Variants in PRKCA observed in about 807,000 individuals in gnomAD.
PRKCA encodes the protein protein kinase C alpha type.
Under a neutral mutation model 87.0 loss-of-function variants are expected in PRKCA, and 27 were observed. The observed-to-expected ratio is 0.31, with a 90% CI of 0.23 to 0.43. The LOEUF is 0.43. PRKCA is among the 20% of genes least tolerant of loss of function. PRKCA has a pLI of 1.00. For missense variants in PRKCA, 518 were observed against 852.3 expected (o/e 0.61, Z 4.88); for synonymous variants, 329 against 311.1 (o/e 1.06, Z -0.61).
At chr17:66,358,172 G>T (rs1908175422) in intron 2 of PRKCA, among the ~76,000 whole-genome samples, 1 of 150,624 alleles carries the variant, frequency 6.6e-6, no homozygotes, top group Admixed American at 6.6e-5. Context: ...TTTTTTTTAA[G>T]CCCAAAAAGT....
chr17:66,672,421 G>A (rs1374928763), intron 5 of PRKCA, among the ~76,000 whole-genome samples: 2 of 152,190 alleles, frequency 1.3e-5, no homozygotes, highest in African/African-American at 4.8e-5. Flanking sequence ...ACCACTTCTT[G>A]ATATGGTTTT....
At chr17:66,466,650 C>CA (rs1372786246) in intron 2 of PRKCA, among the ~76,000 whole-genome samples, 5 of 152,276 alleles carry the variant, frequency 3.3e-5, no homozygotes, top group African/African-American at 1.2e-4. Flanking sequence ...AAGTATTCCA[C>CA]ATAAAATCTA....
At chr17:66,577,821 GA>G (rs1969287373) in intron 3 of PRKCA, among the ~76,000 whole-genome samples, 1 of 152,116 alleles carries the variant, frequency 6.6e-6, no homozygotes. Context: ...AATGACACTG[GA>G]GTGAGGACGG....
chr17:66,644,551 CCT>C (rs1280267384), intron 4 of PRKCA, among the ~76,000 whole-genome samples: 1 of 152,118 alleles, frequency 6.6e-6, no homozygotes, highest in East Asian at 1.9e-4. Flanking sequence ...TTATCCTCCC[CCT>C]GTCTCACCCA....
intron 2 of PRKCA, among the ~76,000 whole-genome samples, chr17:66,461,146 C>T (rs767196864): frequency 1.4e-5 from 2 of 143,860 alleles, no homozygotes; most frequent in Admixed American, 7.4e-5. Flanking sequence ...TTCGAGGCTG[C>T]GGTACGCTAT....
intron 5 of PRKCA, among the ~76,000 whole-genome samples, chr17:66,651,951 T>G (rs908846042): frequency 2.0e-5 from 3 of 152,164 alleles, no homozygotes; most frequent in Non-Finnish European, 4.4e-5. Context: ...ATTTTATTTT[T>G]TATTTATTTG....
At chr17:66,368,686 C>G (rs1908913148) in intron 2 of PRKCA, among the ~76,000 whole-genome samples, 1 of 151,992 alleles carries the variant, frequency 6.6e-6, no homozygotes, top group Non-Finnish European at 1.5e-5. Flanking sequence ...GCCACCATGC[C>G]TGGTCTCTTA....
At chr17:66,511,713 C>G (rs575570075) in intron 3 of PRKCA, among the ~76,000 whole-genome samples, 51 of 150,884 alleles carry the variant, frequency 3.4e-4, no homozygotes, top group Non-Finnish European at 6.5e-4. Flanking sequence ...TGGAGTCTCG[C>G]TCTGTCACCC....
Position 66,735,671 on chromosome 17 carries a change from C to G in PRKCA, c.1230+9C>G, listed in dbSNP as rs1302686694. 4.3e-6 allele frequency: 7 copies of G among 1,611,512 alleles called. No individual in the cohort carries two copies. In the East Asian group the frequency reaches 1.6e-4, roughly 36 times the overall value. ...CCTGCTTCCAGACAGTGGTAAGGAC[C>G]CTGGGAATCCCTGCGATGCAGTACC... On this transcript the variant is annotated intron_variant, in intron 10 of 16. Coordinates refer to ENST00000413366, the MANE Select transcript of PRKCA (RefSeq NM_002737.3).
At chr17:66,464,319 A>G (rs1914991206) in intron 2 of PRKCA, among the ~76,000 whole-genome samples, 1 of 152,162 alleles carries the variant, frequency 6.6e-6, no homozygotes, top group African/African-American at 2.4e-5. Flanking sequence ...GGCAATTATG[A>G]AGAAGGCTGC....
intron 16 of PRKCA, among the ~76,000 whole-genome samples, chr17:66,798,453 CGGTGGTGGTGGTGGTGGTGGT>C (rs1165425981): frequency 1.5e-3 from 13 of 8,744 alleles, no homozygotes; most frequent in Non-Finnish European, 2.4e-3. Context: ...GTGGTGGTGA[CGGTGGTGGTGGTGGTGGTGGT>C]GGTGGTGGTG....
chr17:66,731,270 G>A lies in PRKCA; in HGVS notation c.919-1418G>A, dbSNP rs184118884. On this transcript the variant is annotated intron_variant, in intron 8 of 16. Coordinates refer to ENST00000413366, the MANE Select transcript of PRKCA (RefSeq NM_002737.3). Reference sequence around the variant, plus strand: ...GAGGCAGGAGAATCGCTTGAACCTGGGAGGCGGAGGTTGCAGTGAGCTGAG... The same window carrying A: ...GAGGCAGGAGAATCGCTTGAACCTGAGAGGCGGAGGTTGCAGTGAGCTGAG... Among the ~76,000 whole-genome samples the A allele has an allele frequency of 7.9e-5, 12 of 151,876 alleles. No individual in the cohort carries two copies. The East Asian group carries it at 2.1e-3, about 27-fold the overall frequency.
chr17:66,560,156 C>T (rs1053777376), intron 3 of PRKCA, among the ~76,000 whole-genome samples: 5 of 151,808 alleles, frequency 3.3e-5, no homozygotes, highest in Admixed American at 2.0e-4. Context: ...GTGTGCTTGG[C>T]GGAGAGAGGC....
At chr17:66,755,240 G>C (rs186200735) in intron 13 of PRKCA, among the ~76,000 whole-genome samples, 1 of 152,026 alleles carries the variant, frequency 6.6e-6, no homozygotes, top group Admixed American at 6.6e-5. Flanking sequence ...CGCACCCCAC[G>C]CCCCCCCAGT....
chr17:66,454,076 A>T (rs1449950855), intron 2 of PRKCA, among the ~76,000 whole-genome samples: 1 of 152,168 alleles, frequency 6.6e-6, no homozygotes, highest in African/African-American at 2.4e-5. Context: ...CCCTAGTTTC[A>T]TGTTGTGATT....
intron 3 of PRKCA, among the ~76,000 whole-genome samples, chr17:66,496,729 C>T (rs1467224041): frequency 1.3e-5 from 2 of 151,810 alleles, no homozygotes; most frequent in African/African-American, 2.4e-5. Flanking sequence ...CTGCAACCTC[C>T]GCCTTCCAGG....
intron 3 of PRKCA, among the ~76,000 whole-genome samples, chr17:66,612,246 T>C (rs1161966567): frequency 6.6e-6 from 1 of 151,912 alleles, no homozygotes; most frequent in Non-Finnish European, 1.5e-5. Context: ...CTGGGCATGG[T>C]GGCAGGCGCC....
chr17:66,317,090 G>T (rs1024757474), intron 2 of PRKCA, among the ~76,000 whole-genome samples: 1 of 151,538 alleles, frequency 6.6e-6, no homozygotes, highest in African/African-American at 2.4e-5. Flanking sequence ...TGTAGTGAGC[G>T]GAGATCACGC....
At chr17:66,497,357 C>T (rs369739570) in intron 3 of PRKCA, among the ~76,000 whole-genome samples, 11 of 151,858 alleles carry the variant, frequency 7.2e-5, no homozygotes, top group South Asian at 2.1e-4. Flanking sequence ...ATTAGCTGGG[C>T]GTGGTGGCGC....
Sources: gnomAD v4.1 joint callset for allele counts (sites outside exome capture counted in the v4.1 genomes callset) on GRCh38, gnomAD v4.1.1 for gene constraint, MANE v1.5 for transcripts, NCBI Gene and HGNC (gene_info 2026-07-23, HGNC 2026-07-21) for gene names.